SQOR: variants seen among roughly 807,000 people sequenced by gnomAD.
SQOR encodes sulfide quinone oxidoreductase.
A neutral mutation model predicts 48.6 loss-of-function variants in SQOR; 39 were observed. That is an observed-to-expected ratio of 0.80 (90% CI 0.62 to 1.05). The LOEUF is 1.05. SQOR is among the 50% of genes least tolerant of loss of function. The pLI is 0.00. For missense variants in SQOR, 561 were observed against 559.9 expected, an observed-to-expected ratio of 1.00 and a Z score of -0.02; for synonymous variants, 220 against 206.2, an observed-to-expected ratio of 1.07 and a Z score of -0.57.
intron 3 of SQOR, among the ~76,000 whole-genome samples, chr15:45,664,728 C>T (rs1020626882): frequency 2.0e-5 from 3 of 152,010 alleles, no homozygotes; most frequent in African/African-American, 7.2e-5. Flanking sequence ...ACATGACCCA[C>T]GATCAAGTCA....
intron 6 of SQOR, among the ~76,000 whole-genome samples, chr15:45,678,420 T>G (rs1003183777): frequency 6.6e-6 from 1 of 152,230 alleles, no homozygotes. Flanking sequence ...TATGAACTCA[T>G]GAGTTCCTAT....
chr15:45,660,284 AATG>A (rs1457791021), intron 2 of SQOR, among the ~76,000 whole-genome samples: 1 of 152,152 alleles, frequency 6.6e-6, no homozygotes, highest in Non-Finnish European at 1.5e-5. Flanking sequence ...CCCAGCAGGG[AATG>A]ATGTTAACCA....
chr15:45,673,326 C>G (rs934301089), intron 4 of SQOR, among the ~76,000 whole-genome samples: 1 of 152,156 alleles, frequency 6.6e-6, no homozygotes, highest in Non-Finnish European at 1.5e-5. Flanking sequence ...GCGTCTTGTC[C>G]TCACTCCGAT....
In SQOR at chr15:45,685,772, C is replaced by G. The variant is rs374375488; in HGVS notation, c.1049-2565C>G. Among the ~76,000 whole-genome samples, 133 of 152,320 alleles carry G rather than the reference C, an allele frequency of 8.7e-4. 1 individual carries two copies. The highest frequency in any genetic ancestry group is 3.1e-3 in the African/African-American group (128 of 41,574). On this transcript the variant is annotated intron_variant, in intron 7 of 9. Coordinates refer to ENST00000260324, the MANE Select transcript of SQOR (RefSeq NM_021199.4). ...TCTTTATGGCCCTCAAAAAGGAACA[C>G]AGTTTTCCAAAAGGGAAATATGATC...
In SQOR at chr15:45,661,290, T is replaced by TA. The variant is rs34286267; in HGVS notation, c.235-641dup. ...GGGGTGATTGGGCGAGACTCTGTCT[T>TA]AAAAAAAAAAAAAAAAAAAAAAAAG... On this transcript the variant is annotated intron_variant, in intron 2 of 9. Coordinates refer to ENST00000260324, the MANE Select transcript of SQOR (RefSeq NM_021199.4). Among the ~76,000 whole-genome samples, 660 of 67,474 alleles carry TA rather than the reference T, an allele frequency of 9.8e-3. 9 individuals carry two copies. Among genetic ancestry groups the TA allele is most frequent in the Non-Finnish European group, 0.011 (408 of 36,194 alleles). The allele number at this position is 67,474 out of a possible 152,430, so 44.3% of individuals were successfully genotyped here. A position where few individuals can be genotyped will look rare whatever the true frequency, so the allele number is the denominator to read the frequency against.
At chr15:45,632,627 T>TA (rs1161212210), upstream of SQOR, among the ~76,000 whole-genome samples, 1 of 152,148 alleles carries the variant, frequency 6.6e-6, no homozygotes, top group Non-Finnish European at 1.5e-5. Context: ...CCTTCCCATT[T>TA]AAACCAGGGC....
intron 1 of SQOR, among the ~76,000 whole-genome samples, chr15:45,648,615 A>C (rs1566915032): frequency 1.3e-5 from 2 of 152,158 alleles, no homozygotes; most frequent in Non-Finnish European, 1.5e-5. Flanking sequence ...AAGTGGGAGG[A>C]TTTAGTTGAG....
chr15:45,643,281 C>T (rs1048410180), intron 1 of SQOR, among the ~76,000 whole-genome samples: 5 of 152,112 alleles, frequency 3.3e-5, no homozygotes, highest in African/African-American at 4.8e-5. Flanking sequence ...CTGCAGCCTC[C>T]GCCTCCCAGG....
At chr15:45,672,825 A>G (rs1251381688) in intron 4 of SQOR, among the ~76,000 whole-genome samples, 1 of 152,248 alleles carries the variant, frequency 6.6e-6, no homozygotes, top group Non-Finnish European at 1.5e-5. Context: ...GCTTCTGCCT[A>G]CAACCCTGTG....
Position 45,673,644 on chromosome 15 carries a change from T to G in SQOR, c.497T>G (p.Ile166Arg). 6.2e-7 allele frequency: 1 copy of G among 1,614,176 alleles called. No individual in the cohort carries two copies. The highest frequency in any genetic ancestry group is 8.5e-7 in the Non-Finnish European group (1 of 1,180,012). ...CCTGAAGGTTTCGCTCATCCCAAAA[T>G]AGGGTCGAATTATTCAGTTAAGACT... ...GLPEGFAHPKIGSNYSVKTVE... is the reference protein window; with the variant it reads ...GLPEGFAHPKRGSNYSVKTVE... Residue 166 changes from isoleucine to arginine, a missense_variant, in exon 5 of 10, where the codon ATA becomes AGA. Transcript: ENST00000260324.
chr15:45,649,699 T>G (rs1889427649), intron 1 of SQOR, among the ~76,000 whole-genome samples: 1 of 152,124 alleles, frequency 6.6e-6, no homozygotes. Flanking sequence ...GCCAGGCTAG[T>G]CTCAAACTCC....
At chr15:45,681,723 C>T (rs1363241093) in intron 6 of SQOR, among the ~76,000 whole-genome samples, 1 of 152,008 alleles carries the variant, frequency 6.6e-6, no homozygotes, top group Admixed American at 6.6e-5. Flanking sequence ...GAACCAACTA[C>T]AAAACGTGAA....
At chr15:45,665,676 C>T (rs1428710741) in intron 3 of SQOR, among the ~76,000 whole-genome samples, 2 of 151,876 alleles carry the variant, frequency 1.3e-5, no homozygotes, top group Admixed American at 6.6e-5. Context: ...CTCTGCCTCC[C>T]AGGTTCAAGT....
intron 5 of SQOR, among the ~76,000 whole-genome samples, chr15:45,675,249 C>T (rs1890015639): frequency 1.3e-5 from 2 of 152,054 alleles, no homozygotes; most frequent in Non-Finnish European, 1.5e-5. Flanking sequence ...AGATGGCCTA[C>T]GAGGAAGGTT....
chr15:45,650,502 G>A (rs559526345), intron 1 of SQOR, among the ~76,000 whole-genome samples: 5 of 152,164 alleles, frequency 3.3e-5, no homozygotes, highest in Non-Finnish European at 5.9e-5. Context: ...CTCAAAGAGC[G>A]AGCAACAGCA....
chr15:45,682,719 T>C lies in SQOR; in HGVS notation c.1048+58T>C, dbSNP rs912741939. On this transcript the variant is annotated intron_variant, in intron 7 of 9. Coordinates refer to ENST00000260324, the MANE Select transcript of SQOR (RefSeq NM_021199.4). ...AAAAATATGTCACCTCAAGGCATGA[T>C]TGTAACAAAAACACAAGCTTGGCAT... The C allele has an allele frequency of 3.2e-6, 5 of 1,582,296 alleles. No individual in the cohort carries two copies. The African/African-American group carries it at 6.7e-5, about 21-fold the overall frequency.
chr15:45,689,666 C>T (rs1179836775), intron 9 of SQOR, among the ~76,000 whole-genome samples: 2 of 151,956 alleles, frequency 1.3e-5, no homozygotes, highest in African/African-American at 2.4e-5. Context: ...GTGATCCGCC[C>T]GCCTCGGCCT....
intron 1 of SQOR, among the ~76,000 whole-genome samples, chr15:45,652,842 G>A (rs1389972623): frequency 2.0e-5 from 3 of 151,364 alleles, no homozygotes; most frequent in Non-Finnish European, 2.9e-5. Flanking sequence ...GTGGTGGCAG[G>A]CACCTGTAAT....
intron 1 of SQOR, among the ~76,000 whole-genome samples, chr15:45,641,501 T>C (rs1350630780): frequency 2.0e-5 from 3 of 152,242 alleles, no homozygotes; most frequent in Non-Finnish European, 4.4e-5. Context: ...CACAGCTTAA[T>C]ATTTAAACAA....
Sources: allele counts gnomAD v4.1 joint callset (sites outside exome capture counted in the v4.1 genomes callset), GRCh38; gene constraint gnomAD v4.1.1; transcripts MANE v1.5; gene names NCBI Gene and HGNC (gene_info 2026-07-23, HGNC 2026-07-21).